Variants in CELF4 observed in about 807,000 individuals in gnomAD.
The protein encoded by CELF4 is CUGBP Elav-like family member 4.
In CELF4, 18 loss-of-function variants were observed where a neutral mutation model predicts 59.9. That is an observed-to-expected ratio of 0.30 (90% CI 0.21 to 0.45). The LOEUF (loss-of-function observed/expected upper bound fraction) is 0.45, where lower values mean the gene tolerates loss of function less well. CELF4 is among the 20% of genes least tolerant of loss of function. The pLI, the probability that CELF4 is intolerant of heterozygous loss-of-function variation, is 1.00. For missense variants in CELF4, 456 were observed against 689.0 expected (o/e 0.66, Z 3.79); for synonymous variants, 261 against 267.1 (o/e 0.98, Z 0.22).
chr18:37,338,759 C>CATGT (rs747916494), intron 2 of CELF4, among the ~76,000 whole-genome samples: 1 of 145,572 alleles, frequency 6.9e-6, no homozygotes, highest in East Asian at 2.0e-4. Flanking sequence ...ATGCAGGAGC[C>CATGT]GTGTGTGTGT....
chr18:37,346,430 G>A (rs1211378601), intron 2 of CELF4, among the ~76,000 whole-genome samples: 1 of 152,210 alleles, frequency 6.6e-6, no homozygotes, highest in Non-Finnish European at 1.5e-5. Context: ...CAGTTGCAGA[G>A]CTGGTATCCT....
intron 2 of CELF4, among the ~76,000 whole-genome samples, chr18:37,394,626 C>T (rs1035091530): frequency 6.6e-6 from 1 of 152,212 alleles, no homozygotes; most frequent in African/African-American, 2.4e-5. Context: ...CTTCATAAGG[C>T]GATGCCAGGG....
At chr18:37,435,182 C>T (rs1406450481) in intron 2 of CELF4, among the ~76,000 whole-genome samples, 1 of 152,124 alleles carries the variant, frequency 6.6e-6, no homozygotes, top group African/African-American at 2.4e-5. Context: ...GTGAACAAAC[C>T]CCGTTTTTTA....
chr18:37,558,956 A>G (rs992676578), intron 1 of CELF4, among the ~76,000 whole-genome samples: 1 of 152,134 alleles, frequency 6.6e-6, no homozygotes, highest in Admixed American at 6.5e-5. Flanking sequence ...ATGGAAGGTC[A>G]TTGCTAAAAT....
chr18:37,477,646 G>C (rs550581381), intron 2 of CELF4, among the ~76,000 whole-genome samples: 2 of 152,242 alleles, frequency 1.3e-5, no homozygotes, highest in East Asian at 3.9e-4. Flanking sequence ...GAACTCCTGG[G>C]CACTTCCCTT....
chr18:37,329,193 C>T (rs760128420), intron 2 of CELF4, among the ~76,000 whole-genome samples: 49 of 152,130 alleles, frequency 3.2e-4, no homozygotes, highest in African/African-American at 1.1e-3. Flanking sequence ...CAGCTGGAAA[C>T]GCAAGCCAAA....
At chr18:37,455,194 G>T (rs2099774869) in intron 2 of CELF4, among the ~76,000 whole-genome samples, 1 of 152,198 alleles carries the variant, frequency 6.6e-6, no homozygotes, top group Admixed American at 6.5e-5. Context: ...TTGAGAGGTG[G>T]GAGGAGCGGA....
chr18:37,379,670 C>T (rs1379534963), intron 2 of CELF4, among the ~76,000 whole-genome samples: 1 of 152,046 alleles, frequency 6.6e-6, no homozygotes, highest in Admixed American at 6.5e-5. Flanking sequence ...AAACTGGGCT[C>T]CCTCTGCTTC....
At chr18:37,395,379 C>T (rs2099230795) in intron 2 of CELF4, among the ~76,000 whole-genome samples, 1 of 152,202 alleles carries the variant, frequency 6.6e-6, no homozygotes, top group African/African-American at 2.4e-5. Flanking sequence ...CCCTCCTCTC[C>T]CTTCCAGGCT....
intron 2 of CELF4, among the ~76,000 whole-genome samples, chr18:37,479,976 T>C (rs1332093210): frequency 6.6e-6 from 1 of 152,220 alleles, no homozygotes. Context: ...GAGGAATGTC[T>C]GAGGCTCCCA....
At chr18:37,434,016 T>G (rs747538533) in intron 2 of CELF4, among the ~76,000 whole-genome samples, 55 of 152,162 alleles carry the variant, frequency 3.6e-4, no homozygotes, top group Non-Finnish European at 7.1e-4. Flanking sequence ...AGTTGAGTGC[T>G]CCCTACACCT....
intron 1 of CELF4, among the ~76,000 whole-genome samples, chr18:37,500,269 G>A (rs1014878810): frequency 1.3e-5 from 2 of 152,178 alleles, no homozygotes; most frequent in African/African-American, 4.8e-5. Flanking sequence ...CAGGTGCAAT[G>A]CTCACAAGTT....
intron 2 of CELF4, among the ~76,000 whole-genome samples, chr18:37,333,722 CTCCATCCATCCA>C (rs35996325): frequency 2.0e-5 from 3 of 146,612 alleles, no homozygotes; most frequent in Non-Finnish European, 3.0e-5. Context: ...GGGCCACAAA[CTCCATCCATCCA>C]TCCATCCATC....
chr18:37,360,605 T>C (rs896686165), intron 2 of CELF4, among the ~76,000 whole-genome samples: 1 of 152,206 alleles, frequency 6.6e-6, no homozygotes, highest in African/African-American at 2.4e-5. Context: ...TCCGAAGCTA[T>C]GCACTGGTCT....
intron 2 of CELF4, among the ~76,000 whole-genome samples, chr18:37,453,293 G>T (rs1363141612): frequency 6.6e-6 from 1 of 152,248 alleles, no homozygotes; most frequent in Non-Finnish European, 1.5e-5. Flanking sequence ...GAATGAATAT[G>T]ATAAGGCAGT....
Position 37,378,303 on chromosome 18 carries a change from C to T in CELF4, c.370-56422G>A, listed in dbSNP as rs1015455581. 7.9e-5 allele frequency among the ~76,000 whole-genome samples: 12 copies of T among 152,214 alleles called. No homozygotes were observed. In the East Asian group the frequency reaches 1.2e-3, roughly 15 times the overall value. On this transcript the variant is annotated intron_variant, in intron 2 of 12. Coordinates refer to ENST00000420428, the MANE Select transcript of CELF4 (RefSeq NM_020180.4). ...GGGTCGCAGGAGGTGGGGTATGGCC[C>T]GACAGTGGCTCCGCAGGGCTGGGCC...
intron 10 of CELF4, among the ~76,000 whole-genome samples, chr18:37,259,846 A>T (rs745885104): frequency 5.9e-5 from 9 of 152,216 alleles, no homozygotes; most frequent in Non-Finnish European, 1.2e-4. Context: ...ACACCCAGGA[A>T]ACCAAGATTT....
intron 2 of CELF4, among the ~76,000 whole-genome samples, chr18:37,465,470 TG>T (rs2099805413): frequency 6.6e-6 from 1 of 151,894 alleles, no homozygotes; most frequent in South Asian, 2.1e-4. Context: ...ATGTGGACAC[TG>T]GGGGAGGGCT....
intron 1 of CELF4, among the ~76,000 whole-genome samples, chr18:37,508,729 C>A (rs545285062): frequency 6.6e-6 from 1 of 152,218 alleles, no homozygotes; most frequent in Non-Finnish European, 1.5e-5. Flanking sequence ...GCCCCCCTTG[C>A]GGCCATTGGT....
Sources: gnomAD v4.1 joint callset for allele counts (sites outside exome capture counted in the v4.1 genomes callset) on GRCh38, gnomAD v4.1.1 for gene constraint, MANE v1.5 for transcripts, NCBI Gene and HGNC (gene_info 2026-07-23, HGNC 2026-07-21) for gene names.